VWA8: variants seen among roughly 807,000 people sequenced by gnomAD.
The protein encoded by VWA8 is von Willebrand factor A domain-containing protein 8.
VWA8 carries 221 observed loss-of-function variants against 241.5 expected under a neutral mutation model. That is an observed-to-expected ratio of 0.91 (90% CI 0.82 to 1.02). The LOEUF (loss-of-function observed/expected upper bound fraction) is 1.02. Among genes scored for constraint, VWA8 ranks in the 50% least tolerant of loss-of-function variants. The probability of loss-of-function intolerance (pLI) is 0.00; values close to 1 mark genes in which losing one functional copy is unlikely to be tolerated. For synonymous variants in VWA8, 852 were observed against 827.1 expected, an observed-to-expected ratio of 1.03 and a Z score of -0.52; for missense variants, 2,322 against 2,328.7, an observed-to-expected ratio of 1.00 and a Z score of 0.06.
rs753888185 is a variant in VWA8 at position 41,699,060 on chromosome 13, G to A, written c.3564+11C>T. 7.4e-6 allele frequency: 12 copies of A among 1,613,722 alleles called. No individual in the cohort carries two copies. The South Asian group carries it at 1.3e-4, about 18-fold the overall frequency. On this transcript the variant is annotated intron_variant, in intron 29 of 44. Transcript: ENST00000379310. ...TCATTCCTCACATAATTGTAGCCTG[G>A]TGTGCATTACCTGCTGCTCATGGAG...
Position 41,787,424 on chromosome 13 carries a change from A to G in VWA8, c.2170+13T>C, listed in dbSNP as rs1395613103. ...TATTTCACTTAAAAAAAAGAGCCAA[A>G]TCAAATACTTACATTTGTAATCCTT... On this transcript the variant is annotated intron_variant, in intron 18 of 44. Coordinates refer to ENST00000379310, the MANE Select transcript of VWA8 (RefSeq NM_015058.2). 2.5e-6 allele frequency: 4 copies of G among 1,581,578 alleles called. No individual in the cohort carries two copies. The African/African-American group carries it at 4.1e-5, about 16-fold the overall frequency.
intron 2 of VWA8, among the ~76,000 whole-genome samples, chr13:41,938,796 A>C (rs1336424858): frequency 6.6e-6 from 1 of 152,212 alleles, no homozygotes; most frequent in East Asian, 1.9e-4. Flanking sequence ...AACTCTATTA[A>C]GTAAGGGACT....
intron 21 of VWA8, among the ~76,000 whole-genome samples, chr13:41,747,024 G>A (rs921572596): frequency 2.6e-5 from 4 of 152,202 alleles, no homozygotes; most frequent in Admixed American, 1.3e-4. Flanking sequence ...TTTGAAGTCA[G>A]GTAGCATGAT....
At chr13:41,698,107 CTT>C (rs2045226990) in intron 29 of VWA8, among the ~76,000 whole-genome samples, 1 of 152,064 alleles carries the variant, frequency 6.6e-6, no homozygotes, top group Admixed American at 6.6e-5. Flanking sequence ...CTTATTCCCT[CTT>C]GTTTCTCACC....
intron 3 of VWA8, among the ~76,000 whole-genome samples, chr13:41,911,253 G>A (rs1241062984): frequency 6.6e-6 from 1 of 151,860 alleles, no homozygotes; most frequent in Admixed American, 6.6e-5. Flanking sequence ...TAGTAGAGCC[G>A]AGGTTTCACC....
intron 4 of VWA8, chr13:41,905,254 G>T (rs1400614300): frequency 6.6e-6 from 1 of 151,794 alleles, no homozygotes; most frequent in Non-Finnish European, 1.5e-5. Flanking sequence ...AGAAAACACA[G>T]CAGGGGTCTT....
intron 21 of VWA8, among the ~76,000 whole-genome samples, chr13:41,741,232 T>C (rs1040607764): frequency 1.3e-5 from 2 of 152,168 alleles, no homozygotes; most frequent in Admixed American, 1.3e-4. Flanking sequence ...AACCAGCACG[T>C]AGTAGGAGTT....
intron 22 of VWA8, 121 bp from the exon 23 acceptor site, chr13:41,729,798 GACACACACACACACACACACAC>G (rs59345894): frequency 0.017 from 7,619 of 445,034 alleles, 70 homozygotes; most frequent in Non-Finnish European, 0.02. Flanking sequence ...TATACACGTA[GACACACACACACACACACACAC>G]ACACACACAC....
intron 37 of VWA8, among the ~76,000 whole-genome samples, chr13:41,644,179 C>G (rs1201640080): frequency 6.6e-6 from 1 of 151,598 alleles, no homozygotes; most frequent in Non-Finnish European, 1.5e-5. Flanking sequence ...CAAGGTGAAC[C>G]CTCTTAGCTT....
At chr13:41,749,285 CA>C (rs2045635280) in intron 21 of VWA8, among the ~76,000 whole-genome samples, 2 of 152,142 alleles carry the variant, frequency 1.3e-5, no homozygotes, top group South Asian at 4.1e-4. Context: ...CAGAGAAATG[CA>C]AAGCAAAAAC....
chr13:41,803,269 A>G (rs1203954788), intron 17 of VWA8, among the ~76,000 whole-genome samples: 1 of 152,206 alleles, frequency 6.6e-6, no homozygotes, highest in Admixed American at 6.5e-5. Context: ...CCAGACAACA[A>G]TGAACATCCA....
chr13:41,568,752 C>T (rs1198670999), intron 44 of VWA8, among the ~76,000 whole-genome samples: 1 of 152,170 alleles, frequency 6.6e-6, no homozygotes, highest in Non-Finnish European at 1.5e-5. Context: ...CGCAGCCAAA[C>T]CCTGAGTGGT....
chr13:41,951,599 G>T (rs1370066415), intron 1 of VWA8, among the ~76,000 whole-genome samples: 1 of 152,118 alleles, frequency 6.6e-6, no homozygotes, highest in Non-Finnish European at 1.5e-5. Flanking sequence ...AGCAAAATAG[G>T]CATGGTGATA....
chr13:41,674,685 T>G (rs1368032052), intron 36 of VWA8, among the ~76,000 whole-genome samples: 1 of 152,174 alleles, frequency 6.6e-6, no homozygotes, highest in African/African-American at 2.4e-5. Flanking sequence ...TTACCTAGTT[T>G]AAATGCTTTG....
At chr13:41,577,008 T>C (rs1455674759) in intron 42 of VWA8, among the ~76,000 whole-genome samples, 2 of 152,214 alleles carry the variant, frequency 1.3e-5, no homozygotes, top group African/African-American at 4.8e-5. Context: ...TCTGAGCACC[T>C]TGGGGTGCTC....
intron 2 of VWA8, among the ~76,000 whole-genome samples, chr13:41,917,066 T>C (rs1876294643): frequency 1.3e-5 from 2 of 152,202 alleles, no homozygotes; most frequent in African/African-American, 4.8e-5. Flanking sequence ...TCCTAACCAA[T>C]ATTTGTTTTC....
chr13:41,746,027 A>G (rs2045603711), intron 21 of VWA8, among the ~76,000 whole-genome samples: 1 of 152,208 alleles, frequency 6.6e-6, no homozygotes, highest in Admixed American at 6.5e-5. Context: ...GAGGAAGAGG[A>G]GACCAGATTG....
chr13:41,931,540 GA>G (rs1362883521), intron 2 of VWA8, among the ~76,000 whole-genome samples: 2 of 151,978 alleles, frequency 1.3e-5, no homozygotes, highest in African/African-American at 4.8e-5. Context: ...AAATTGTATT[GA>G]AATTCCTCCT....
In VWA8 at chr13:41,575,769, C is replaced by T; in HGVS notation, c.5341G>A (p.Asp1781Asn). The stretch of plus-strand genomic sequence containing the variant: ...AGAATTTCTAGTCTTTGCTTATTGT[C>T]CTTGGGGATTTTGTTCATTGGAACC... Reference protein sequence around the residue: ...GLVPMNKIPKDNKQRLEILKT... With the variant: ...GLVPMNKIPKNNKQRLEILKT... The change falls in exon 43 of 45, where the codon GAC becomes AAC. Residue 1781 changes from aspartate (D) to asparagine (N), a missense_variant. By Grantham distance (23) the Asp-to-Asn change is conservative. Transcript: ENST00000379310. The T allele has an allele frequency of 6.2e-7, 1 of 1,613,222 alleles. No homozygotes were observed. The highest frequency in any genetic ancestry group is 8.5e-7 in the Non-Finnish European group (1 of 1,179,794).
Sources: allele counts gnomAD v4.1 joint callset (sites outside exome capture counted in the v4.1 genomes callset), GRCh38; gene constraint gnomAD v4.1.1; transcripts MANE v1.5; gene names NCBI Gene and HGNC (gene_info 2026-07-23, HGNC 2026-07-21).